The following NMU variants were observed in gnomAD, a reference collection of about 807,000 sequenced individuals.
NMU encodes the protein neuromedin-U.
In NMU, 29 loss-of-function variants were observed where a neutral mutation model predicts 35.4. That is an observed-to-expected ratio of 0.82 (90% CI 0.61 to 1.12). The LOEUF is 1.12. NMU is among the 50% of genes most tolerant of loss of function. The pLI, the probability that NMU is intolerant of heterozygous loss-of-function variation, is 0.00. For synonymous variants in NMU, 78 were observed against 81.3 expected, an observed-to-expected ratio of 0.96 and a Z score of 0.22; for missense variants, 199 against 206.2, an observed-to-expected ratio of 0.97 and a Z score of 0.21.
intron 4 of NMU, among the ~76,000 whole-genome samples, chr4:55,607,753 G>T (rs1287247765): frequency 6.6e-6 from 1 of 152,128 alleles, no homozygotes; most frequent in Non-Finnish European, 1.5e-5. Flanking sequence ...GTGGTAGAAT[G>T]GGAAATTATT....
chr4:55,618,699 C>G (rs10017514), intron 2 of NMU, among the ~76,000 whole-genome samples: 1 of 125,842 alleles, frequency 7.9e-6, no homozygotes. Flanking sequence ...TCTTCTCTCT[C>G]TTCTTTCTTT....
At chr4:55,614,628 A>G (rs1460530647) in intron 3 of NMU, among the ~76,000 whole-genome samples, 3 of 152,218 alleles carry the variant, frequency 2.0e-5, no homozygotes, top group African/African-American at 7.2e-5. Context: ...TTTCAATTGC[A>G]AATGTAAAAC....
intron 2 of NMU, among the ~76,000 whole-genome samples, chr4:55,617,580 G>A (rs1392728366): frequency 6.6e-6 from 1 of 152,042 alleles, no homozygotes; most frequent in Non-Finnish European, 1.5e-5. Context: ...CCCAGAATAA[G>A]TGTTCAACAA....
intron 7 of NMU, among the ~76,000 whole-genome samples, chr4:55,603,552 G>C (rs1733513885): frequency 6.6e-6 from 1 of 151,832 alleles, no homozygotes; most frequent in Admixed American, 6.6e-5. Context: ...GTTCCTCAAA[G>C]GATAAAATGA....
intron 2 of NMU, among the ~76,000 whole-genome samples, chr4:55,628,914 A>C (rs994538196): frequency 2.0e-5 from 3 of 152,114 alleles, no homozygotes; most frequent in Non-Finnish European, 2.9e-5. Flanking sequence ...AATATATATG[A>C]AGCTAAAATT....
At chr4:55,629,895 T>A (rs1734689207) in intron 2 of NMU, among the ~76,000 whole-genome samples, 1 of 152,148 alleles carries the variant, frequency 6.6e-6, no homozygotes, top group Admixed American at 6.5e-5. Context: ...ATTAATGATG[T>A]CTATATTTTC....
chr4:55,610,503 C>T (rs1299958261), intron 3 of NMU, among the ~76,000 whole-genome samples: 2 of 151,452 alleles, frequency 1.3e-5, no homozygotes, highest in African/African-American at 2.4e-5. Flanking sequence ...AAGAATTGTT[C>T]AAGGCCTCCA....
At chr4:55,597,071 C>G (rs1733213269) in intron 9 of NMU, among the ~76,000 whole-genome samples, 1 of 152,054 alleles carries the variant, frequency 6.6e-6, no homozygotes, top group African/African-American at 2.4e-5. Flanking sequence ...GTTGCTGGAA[C>G]AAATCTTAGT....
At chr4:55,605,160 T>C (rs1733627992) in intron 7 of NMU, 115 bp downstream of exon 7, 2 of 787,428 alleles carry the variant, frequency 2.5e-6, no homozygotes, top group South Asian at 2.8e-5. Flanking sequence ...TAACTGGGTA[T>C]TAGTGTGGGC....
At chr4:55,602,045 TAA>T (rs1315608467) in intron 7 of NMU, among the ~76,000 whole-genome samples, 1 of 152,024 alleles carries the variant, frequency 6.6e-6, no homozygotes, top group Non-Finnish European at 1.5e-5. Context: ...CATATTATAT[TAA>T]AGAGAAAAAA....
At chr4:55,596,716 A>G (rs912294023) in intron 9 of NMU, among the ~76,000 whole-genome samples, 2 of 152,142 alleles carry the variant, frequency 1.3e-5, no homozygotes, top group African/African-American at 2.4e-5. Context: ...GAGCACATTA[A>G]ATTTTTCCTT....
Position 55,605,275 on chromosome 4 carries a change from G to A in NMU, c.435C>T (p.Asp145=), listed in dbSNP as rs141279583. The change falls in exon 7 of 10, where the codon GAC becomes GAT. Residue 145 remains aspartate, a splice_region_variant and synonymous_variant. Coordinates refer to ENST00000264218, the MANE Select transcript of NMU (RefSeq NM_006681.4). ...HERRMKRFRV[D]EEFQSPFASQ... ...CCAGCATGCAGTTTGTATTACATAC[G>A]TCCACTCTGAATCTCTTCATTCTTC... 40 of 1,606,330 alleles carry A rather than the reference G, an allele frequency of 2.5e-5. No homozygotes were observed. Among genetic ancestry groups the A allele is most frequent in the Admixed American group, 1.0e-4 (6 of 59,998 alleles).
chr4:55,608,316 GCTTTTT>G (rs2110192475), intron 4 of NMU, among the ~76,000 whole-genome samples: 2 of 151,744 alleles, frequency 1.3e-5, no homozygotes, highest in South Asian at 4.1e-4. Context: ...AATCAATTAC[GCTTTTT>G]GGACAATGTC....
chr4:55,627,406 T>TA (rs397964983), intron 2 of NMU, among the ~76,000 whole-genome samples: 8 of 151,752 alleles, frequency 5.3e-5, no homozygotes, highest in African/African-American at 1.9e-4. Context: ...TTTTTTTTTT[T>TA]AAAGTAAATG....
chr4:55,597,297 A>G (rs1348770568), intron 9 of NMU, among the ~76,000 whole-genome samples: 1 of 151,596 alleles, frequency 6.6e-6, no homozygotes, highest in Non-Finnish European at 1.5e-5. Flanking sequence ...TTGGCTTAGT[A>G]CTTTTTGAGG....
chr4:55,595,529 A>G (rs898187839), intron 9 of NMU, 118 bp from the exon 10 acceptor site: 1 of 127,596 alleles, frequency 7.8e-6, no homozygotes, highest in Non-Finnish European at 1.6e-5. Flanking sequence ...AGCATCTGAC[A>G]TATTTCCCAG....
Position 55,599,155 on chromosome 4 carries a change from C to T in NMU, c.516G>A (p.Gly172=). Residue 172 remains glycine (G), a synonymous_variant, in exon 9 of 10, where the codon GGG becomes GGA. Coordinates refer to ENST00000264218, the MANE Select transcript of NMU (RefSeq NM_006681.4). ...TTTCTCACATACCATTTTAAATGAA[C>T]CCTGCTGACCTTCTTCCATTCCGTG... ...FRPRNGRRSA[G]FI The T allele has an allele frequency of 6.2e-7, 1 of 1,605,156 alleles. No homozygotes were observed.
At chr4:55,634,295 GT>G (rs926577468) in intron 1 of NMU, among the ~76,000 whole-genome samples, 2 of 152,042 alleles carry the variant, frequency 1.3e-5, no homozygotes, top group Non-Finnish European at 2.9e-5. Flanking sequence ...GATAAAATTA[GT>G]TTTTTTAGTA....
At chr4:55,612,648 GA>G (rs1733980689) in intron 3 of NMU, among the ~76,000 whole-genome samples, 1 of 152,114 alleles carries the variant, frequency 6.6e-6, no homozygotes, top group Non-Finnish European at 1.5e-5. Flanking sequence ...TTTCTTCTTA[GA>G]AAACAGTTTC....
Sources: allele counts gnomAD v4.1 joint callset (sites outside exome capture counted in the v4.1 genomes callset), GRCh38; gene constraint gnomAD v4.1.1; transcripts MANE v1.5; gene names NCBI Gene and HGNC (gene_info 2026-07-23, HGNC 2026-07-21).